Variants in CFAP144 observed in about 807,000 individuals in gnomAD.
The protein encoded by CFAP144 is cilia and flagella associated protein 144, also known as cilia- and flagella-associated protein 144.
chr1:43,148,711 C>T, the CFAP144 span, among the ~76,000 whole-genome samples: 3,674 of 152,266 alleles, frequency 0.024, 45 homozygotes, highest in Middle Eastern at 0.031. Flanking sequence ...CTCCAGAATA[C>T]CCTGTCTCTG....
chr1:43,143,979 G>A, the CFAP144 span, among the ~76,000 whole-genome samples: 16 of 152,184 alleles, frequency 1.1e-4, no homozygotes, highest in Non-Finnish European at 1.6e-4. Flanking sequence ...TAAAATGGAC[G>A]TGACATCTTT....
At chr1:43,149,772 A>C in the CFAP144 span, among the ~76,000 whole-genome samples, 1 of 152,236 alleles carries the variant, frequency 6.6e-6, no homozygotes, top group East Asian at 1.9e-4. Flanking sequence ...AAAGATAGAA[A>C]TTTTATTTGC....
At chr1:43,147,918 G>T in the CFAP144 span, 1 of 1,610,702 alleles carries the variant, frequency 6.2e-7, no homozygotes, top group Non-Finnish European at 8.5e-7. Context: ...ACTGTGGAAG[G>T]CCCAGGCAAG....
the CFAP144 span, among the ~76,000 whole-genome samples, chr1:43,149,890 C>T: frequency 6.6e-6 from 1 of 152,114 alleles, no homozygotes; most frequent in Non-Finnish European, 1.5e-5. Context: ...AGCTTGGAGA[C>T]CACTGGTTTC....
chr1:43,150,864 A>C, the CFAP144 span: 1 of 1,531,088 alleles, frequency 6.5e-7, no homozygotes, highest in Non-Finnish European at 8.9e-7. Context: ...GAGCCCAGAG[A>C]GGCAGGCTGG....
chr1:43,154,767 G>T, the CFAP144 span, among the ~76,000 whole-genome samples: 1 of 152,162 alleles, frequency 6.6e-6, no homozygotes, highest in Non-Finnish European at 1.5e-5. Context: ...AGGTTTTGCA[G>T]TGAGGGAGGG....
At chr1:43,152,491 T>C in the CFAP144 span, among the ~76,000 whole-genome samples, 1 of 152,148 alleles carries the variant, frequency 6.6e-6, no homozygotes, top group Non-Finnish European at 1.5e-5. Flanking sequence ...TTCTTCACAG[T>C]GTGTATCCCT....
At chr1:43,150,897 T>A in the CFAP144 span, 1 of 1,217,062 alleles carries the variant, frequency 8.2e-7, no homozygotes, top group Non-Finnish European at 1.2e-6. Flanking sequence ...CTCAGGGTCG[T>A]GATATCTTGG....
chr1:43,155,359 C>T, the CFAP144 span, among the ~76,000 whole-genome samples: 1 of 152,184 alleles, frequency 6.6e-6, no homozygotes, highest in Admixed American at 6.5e-5. Context: ...TTTGACCTTC[C>T]AGGACATCTC....
the CFAP144 span, among the ~76,000 whole-genome samples, chr1:43,149,972 C>T: frequency 3.3e-5 from 5 of 152,118 alleles, no homozygotes; most frequent in Non-Finnish European, 4.4e-5. Context: ...GCTCTCTTGA[C>T]GTTTCTCAAA....
chr1:43,150,959 C>T, the CFAP144 span: 2 of 668,612 alleles, frequency 3.0e-6, no homozygotes, highest in East Asian at 5.5e-5. Flanking sequence ...CTCATACTAA[C>T]CAAGCTCAAA....
chr1:43,145,198 A>C, the CFAP144 span: 1 of 1,452,532 alleles, frequency 6.9e-7, no homozygotes, highest in African/African-American at 1.4e-5. Context: ...TGGCTTCTCC[A>C]CGGAACTTGG....
chr1:43,154,979 G>A, the CFAP144 span, among the ~76,000 whole-genome samples: 33,668 of 152,082 alleles, frequency 0.22, 5,316 homozygotes, highest in African/African-American at 0.43. Flanking sequence ...GTGGAGGATG[G>A]GGAACCCAAT....
At chr1:43,154,062 GTATATATATATATA>G in the CFAP144 span, among the ~76,000 whole-genome samples, 29 of 83,664 alleles carry the variant, frequency 3.5e-4, no homozygotes, top group East Asian at 4.1e-3. Flanking sequence ...ATATGTGTGT[GTATATATATATATA>G]TATATATATA....
the CFAP144 span, chr1:43,156,101 A>AGC: frequency 1.1e-6 from 1 of 887,234 alleles, no homozygotes. Context: ...ATGCAGCCAC[A>AGC]GGCTGGGAGG....
chr1:43,153,491 T>TC, the CFAP144 span, among the ~76,000 whole-genome samples: 1 of 151,912 alleles, frequency 6.6e-6, no homozygotes, highest in South Asian at 2.1e-4. Flanking sequence ...ACGCTTATAG[T>TC]CCAGCTACTG....
the CFAP144 span, chr1:43,148,003 C>G: frequency 6.2e-7 from 1 of 1,614,040 alleles, no homozygotes; most frequent in Non-Finnish European, 8.5e-7. Flanking sequence ...CCATCAGAAC[C>G]AGATCTTGCG....
At chr1:43,152,685 G>GAC in the CFAP144 span, 14 of 807,834 alleles carry the variant, frequency 1.7e-5, no homozygotes, top group Admixed American at 1.8e-4. Context: ...GGAGAGACCA[G>GAC]ACACCCTGGT....
At chr1:43,145,399 G>A in the CFAP144 span, 5 of 905,070 alleles carry the variant, frequency 5.5e-6, no homozygotes, top group African/African-American at 8.3e-5. Flanking sequence ...ACTTAGGTTT[G>A]TTTCCTTTGG....
Sources: allele counts gnomAD v4.1 joint callset (sites outside exome capture counted in the v4.1 genomes callset), GRCh38; gene constraint gnomAD v4.1.1; transcripts MANE v1.5; gene names NCBI Gene and HGNC (gene_info 2026-07-23, HGNC 2026-07-21).